The following SEPTIN10 variants were observed in gnomAD, a reference collection of about 807,000 sequenced individuals.
SEPTIN10 encodes septin 10, also known as septin-10.
A neutral mutation model predicts 54.8 loss-of-function variants in SEPTIN10; 66 were observed. The ratio of observed to expected loss-of-function variants is 1.21; its 90% CI spans 0.99 to 1.48. The LOEUF is 1.48. Among genes scored for constraint, SEPTIN10 ranks in the 40% most tolerant of loss-of-function variants. The pLI is 0.00. For missense variants in SEPTIN10, 620 were observed against 545.6 expected, an observed-to-expected ratio of 1.14 and a Z score of -1.36; for synonymous variants, 161 against 181.0, an observed-to-expected ratio of 0.89 and a Z score of 0.89.
Position 109,546,075 on chromosome 2 carries a change from G to C in SEPTIN10, c.1324C>G (p.Leu442Val). The C allele has an allele frequency of 1.2e-6, 2 of 1,600,888 alleles. No individual in the cohort carries two copies. The highest frequency in any genetic ancestry group is 2.2e-5 in the South Asian group (2 of 89,252). The change falls in exon 10 of 11, where the codon CTG becomes GTG. Residue 442 changes from leucine (L) to valine (V), a missense_variant. Transcript: ENST00000397712. Reference protein sequence around the residue: ...SQSFLATGSNLRKDKDRKNSN... With the variant: ...SQSFLATGSNVRKDKDRKNSN... The stretch of plus-strand genomic sequence containing the variant: ...TTCTTACGGTCCTTGTCCTTCCTCA[G>C]GTTGCTGCCTGTTGCCAGAAAGGAC...
chr2:109,608,480 C>T (rs1698515576), intron 1 of SEPTIN10, among the ~76,000 whole-genome samples: 1 of 152,202 alleles, frequency 6.6e-6, no homozygotes, highest in African/African-American at 2.4e-5. Flanking sequence ...AGAATAGCCA[C>T]ATTTCTACCT....
chr2:109,544,431 G>A, intron 10 of SEPTIN10, 107 bp from the exon 11 acceptor site: 2 of 1,401,200 alleles, frequency 1.4e-6, no homozygotes, highest in Non-Finnish European at 1.8e-6. Flanking sequence ...ATGGGACTTT[G>A]AAAAAGAAAA....
chr2:109,562,568 G>A (rs115956744), intron 8 of SEPTIN10, among the ~76,000 whole-genome samples: 54 of 152,210 alleles, frequency 3.5e-4, no homozygotes, highest in African/African-American at 1.1e-3. Flanking sequence ...TTCATCCCTG[G>A]AAATTCTGAC....
At chr2:109,552,990 C>T (rs1191643953) in intron 9 of SEPTIN10, 97 bp downstream of exon 9, 1 of 1,381,254 alleles carries the variant, frequency 7.2e-7, no homozygotes, top group African/African-American at 1.4e-5. Context: ...AACAAGTAGC[C>T]TACAAAAGAG....
rs1300764710 is a variant in SEPTIN10, at chr2:109,613,894, G to C, written c.-67C>G. 4.1e-6 allele frequency: 5 copies of C among 1,229,402 alleles called. No homozygotes were observed. Among genetic ancestry groups the C allele is most frequent in the African/African-American group, 1.6e-5 (1 of 64,110 alleles). The allele number at this position is 1,229,402 out of a possible 1,614,324, so 76.2% of individuals were successfully genotyped here. On this transcript the variant is annotated 5_prime_UTR_variant, in exon 1 of 11. Transcript: ENST00000397712. ...GCCCCGAGCGGCTGGTCCCGGCGAC[G>C]GCGGCGGGAAGGCCGGAGGGCAGAA... is the stretch of plus-strand genomic sequence containing the variant.
Position 109,567,955 on chromosome 2 carries a change from C to A in SEPTIN10, c.622G>T (p.Ala208Ser). The A allele has an allele frequency of 6.2e-7, 1 of 1,611,638 alleles. No individual in the cohort carries two copies. The highest frequency in any genetic ancestry group is 8.5e-7 in the Non-Finnish European group (1 of 1,179,286). Residue 208 changes from alanine (A) to serine (S), a missense_variant, in exon 6 of 11, where the codon GCC becomes TCC. By Grantham distance (99) the Ala-to-Ser change is moderately conservative (BLOSUM62 1). Coordinates refer to ENST00000397712, the MANE Select transcript of SEPTIN10 (RefSeq NM_144710.5). ...DSKVNIIPVI[A>S]KADTVSKTEL... ...GTTTTAGAAACCGTATCTGCTTTGG[C>A]AATCACTGGTATAATGTTTACCTAT... is the stretch of plus-strand genomic sequence containing the variant.
In SEPTIN10 at chr2:109,585,178, A is replaced by G; in HGVS notation, c.361T>C (p.Leu121=). ...ELQESNVQLK[L]TIVNTVGFGD... is the part of the protein sequence containing the mutation. ...AATCCCACTGTATTCACAATGGTCA[A>G]TTTCAATTGAACATTACTTTCCTGG... Residue 121 remains leucine (L), a synonymous_variant, in exon 4 of 11, where the codon TTG becomes CTG. Coordinates refer to ENST00000397712, the MANE Select transcript of SEPTIN10 (RefSeq NM_144710.5). The G allele has an allele frequency of 1.2e-6, 2 of 1,610,172 alleles. No homozygotes were observed. The highest frequency in any genetic ancestry group is 1.7e-6 in the Non-Finnish European group (2 of 1,178,324).
intron 5 of SEPTIN10, among the ~76,000 whole-genome samples, chr2:109,573,661 T>C (rs1347799116): frequency 6.6e-6 from 1 of 152,194 alleles, no homozygotes. Flanking sequence ...CTTATACAGT[T>C]AGTAACCAGG....
intron 4 of SEPTIN10, among the ~76,000 whole-genome samples, chr2:109,577,944 T>C (rs537708408): frequency 4.8e-4 from 71 of 148,854 alleles, no homozygotes; most frequent in Admixed American, 2.7e-3. Flanking sequence ...AGAGTTAATA[T>C]ATAATAGCAA....
At chr2:109,574,443 TA>T (rs55980206) in intron 5 of SEPTIN10, 137 bp downstream of exon 5, 88,163 of 268,050 alleles carry the variant, frequency 0.33, 8,006 homozygotes, top group South Asian at 0.37. Flanking sequence ...ACTTTATCTC[TA>T]AAAAAAAAAA....
chr2:109,555,615 G>A (rs1425559863), intron 8 of SEPTIN10, among the ~76,000 whole-genome samples: 2 of 152,148 alleles, frequency 1.3e-5, no homozygotes, highest in Non-Finnish European at 2.9e-5. Context: ...GAATGCTGAG[G>A]GCAGTCACGA....
intron 4 of SEPTIN10, among the ~76,000 whole-genome samples, chr2:109,576,271 T>C (rs72938273): frequency 0.065 from 9,795 of 149,930 alleles, 750 homozygotes; most frequent in East Asian, 0.24. Context: ...ATGAATTAAA[T>C]ATATATATAT....
intron 2 of SEPTIN10, among the ~76,000 whole-genome samples, chr2:109,589,171 C>A (rs749755502): frequency 1.6e-4 from 25 of 151,802 alleles, no homozygotes; most frequent in Non-Finnish European, 3.2e-4. Flanking sequence ...GAGATGGAGT[C>A]TCACTCTGTC....
At chr2:109,558,872 C>T (rs923037707) in intron 8 of SEPTIN10, among the ~76,000 whole-genome samples, 12 of 151,658 alleles carry the variant, frequency 7.9e-5, no homozygotes, top group Non-Finnish European at 1.3e-4. Flanking sequence ...AAAAGACTCC[C>T]GAGAAAACAG....
chr2:109,601,825 T>C (rs1454196961), intron 1 of SEPTIN10, among the ~76,000 whole-genome samples: 1 of 152,006 alleles, frequency 6.6e-6, no homozygotes, highest in Non-Finnish European at 1.5e-5. Flanking sequence ...AGTTTTCTAA[T>C]ACTCTACAAG....
At chr2:109,544,358 T>C in intron 10 of SEPTIN10, 34 bp from the exon 11 acceptor site, 13 of 1,559,802 alleles carry the variant, frequency 8.3e-6, no homozygotes, top group Non-Finnish European at 1.0e-5. Flanking sequence ...ATTGGTACAA[T>C]TTAAAAAAAA....
intron 1 of SEPTIN10, among the ~76,000 whole-genome samples, chr2:109,603,361 A>G (rs1207092368): frequency 6.6e-6 from 1 of 151,530 alleles, no homozygotes; most frequent in African/African-American, 2.4e-5. Context: ...CAGCCTCCCC[A>G]GCAGCTGGGA....
chr2:109,545,446 G>A, intron 10 of SEPTIN10: 3 of 1,536,092 alleles, frequency 2.0e-6, no homozygotes, highest in Non-Finnish European at 2.6e-6. Flanking sequence ...CCCTTGCACT[G>A]TGGCCCTCTC....
At chr2:109,567,674 A>T in intron 6 of SEPTIN10, 141 bp downstream of exon 6, 1 of 784,008 alleles carries the variant, frequency 1.3e-6, no homozygotes, top group Non-Finnish European at 1.9e-6. Flanking sequence ...ACATTTTCTC[A>T]TACTGGACTT....
Sources: gnomAD v4.1 joint callset for allele counts (sites outside exome capture counted in the v4.1 genomes callset) on GRCh38, gnomAD v4.1.1 for gene constraint, MANE v1.5 for transcripts, NCBI Gene and HGNC (gene_info 2026-07-23, HGNC 2026-07-21) for gene names.